Variants in CLNK observed in about 807,000 individuals in gnomAD.
The protein encoded by CLNK is cytokine dependent hematopoietic cell linker.
Under a neutral mutation model 68.6 loss-of-function variants are expected in CLNK, and 74 were observed. That is an observed-to-expected ratio of 1.08 (90% CI 0.89 to 1.31). CLNK has a LOEUF of 1.31. CLNK is among the 50% of genes most tolerant of loss of function. The probability of loss-of-function intolerance (pLI) is 0.00; values close to 1 mark genes in which losing one functional copy is unlikely to be tolerated. For synonymous variants in CLNK, 198 were observed against 172.2 expected, an observed-to-expected ratio of 1.15 and a Z score of -1.17; for missense variants, 553 against 515.3, an observed-to-expected ratio of 1.07 and a Z score of -0.71.
chr4:10,605,607 A>T (rs886609823), intron 2 of CLNK, among the ~76,000 whole-genome samples: 1 of 152,100 alleles, frequency 6.6e-6, no homozygotes, highest in Non-Finnish European at 1.5e-5. Context: ...AGGTGGGTAG[A>T]TCATAAGGTC....
chr4:10,505,398 G>T (rs1717249807), intron 17 of CLNK, among the ~76,000 whole-genome samples: 1 of 152,186 alleles, frequency 6.6e-6, no homozygotes, highest in Non-Finnish European at 1.5e-5. Flanking sequence ...TTCCTCATCT[G>T]GGAAATGGGA....
intron 2 of CLNK, among the ~76,000 whole-genome samples, chr4:10,648,581 A>G (rs1379539303): frequency 6.6e-6 from 1 of 152,208 alleles, no homozygotes; most frequent in Admixed American, 6.5e-5. Context: ...CATATGAAAG[A>G]TGGTGGAGAA....
intron 1 of CLNK, among the ~76,000 whole-genome samples, chr4:10,680,715 G>C (rs1725065476): frequency 6.6e-6 from 1 of 152,090 alleles, no homozygotes. Context: ...ACAAATTCGA[G>C]CAGTAGATAT....
chr4:10,522,140 C>T (rs981512318), intron 14 of CLNK, among the ~76,000 whole-genome samples: 2 of 151,678 alleles, frequency 1.3e-5, no homozygotes, highest in Admixed American at 6.6e-5. Flanking sequence ...CACCTGTAGT[C>T]CCAGCCACTA....
chr4:10,642,419 AT>A (rs1560258200), intron 2 of CLNK, among the ~76,000 whole-genome samples: 1 of 152,080 alleles, frequency 6.6e-6, no homozygotes, highest in Admixed American at 6.6e-5. Context: ...AATAAGGAAC[AT>A]TTTTTTTCTG....
chr4:10,520,759 T>A, intron 15 of CLNK, 32 bp downstream of exon 15: 1 of 1,558,200 alleles, frequency 6.4e-7, no homozygotes, highest in Non-Finnish European at 8.8e-7. Context: ...GTGACTTACC[T>A]GTTTATTTTA....
At chr4:10,690,248 C>A in the CLNK span, among the ~76,000 whole-genome samples, 1 of 152,140 alleles carries the variant, frequency 6.6e-6, no homozygotes, top group Admixed American at 6.5e-5. Flanking sequence ...CCTGGCCCAA[C>A]CACCCTGACT....
chr4:10,535,877 G>T (rs571001190), intron 11 of CLNK, among the ~76,000 whole-genome samples: 117 of 152,134 alleles, frequency 7.7e-4, no homozygotes, highest in African/African-American at 2.7e-3. Context: ...TAAGTACATG[G>T]ATATTGTAAA....
At chr4:10,723,906 G>GAGAGAGAC in the CLNK span, among the ~76,000 whole-genome samples, 2 of 151,796 alleles carry the variant, frequency 1.3e-5, no homozygotes, top group African/African-American at 2.4e-5. Context: ...GAGAGAGAGA[G>GAGAGAGAC]AGAGAGAGAG....
chr4:10,716,862 T>G, the CLNK span, among the ~76,000 whole-genome samples: 2 of 151,808 alleles, frequency 1.3e-5, no homozygotes, highest in Non-Finnish European at 2.9e-5. Flanking sequence ...CTCAGCTAAT[T>G]TTTGTATTTT....
intron 16 of CLNK, among the ~76,000 whole-genome samples, chr4:10,510,740 C>T (rs532804514): frequency 1.1e-4 from 17 of 152,196 alleles, no homozygotes; most frequent in African/African-American, 1.7e-4. Flanking sequence ...TTATCTTCAC[C>T]GATAATAAGC....
chr4:10,629,620 T>C (rs1356338946), intron 2 of CLNK, among the ~76,000 whole-genome samples: 2 of 152,046 alleles, frequency 1.3e-5, no homozygotes, highest in Non-Finnish European at 2.9e-5. Context: ...CTCGGGGAGA[T>C]TGCACATTTA....
chr4:10,611,986 T>C (rs1722049499), intron 2 of CLNK, among the ~76,000 whole-genome samples: 1 of 152,154 alleles, frequency 6.6e-6, no homozygotes, highest in Non-Finnish European at 1.5e-5. Flanking sequence ...TCATGAACAA[T>C]TGGCCAAATC....
the CLNK span, among the ~76,000 whole-genome samples, chr4:10,698,001 TGACC>T: frequency 6.6e-6 from 1 of 152,226 alleles, no homozygotes; most frequent in African/African-American, 2.4e-5. Context: ...ATGGAAGTGC[TGACC>T]GTTTTGTGTT....
chr4:10,615,664 T>C (rs1002727887), intron 2 of CLNK, among the ~76,000 whole-genome samples: 4 of 152,198 alleles, frequency 2.6e-5, no homozygotes, highest in African/African-American at 9.7e-5. Context: ...GAGCTCATAG[T>C]TTCTGAGTAA....
chr4:10,542,165 C>T (rs1186700677), intron 9 of CLNK, 90 bp downstream of exon 9: 6 of 1,190,226 alleles, frequency 5.0e-6, no homozygotes, highest in Non-Finnish European at 7.2e-6. Context: ...ACATATTTTT[C>T]TAGAGATATC....
chr4:10,541,920 A>G (rs931357556), intron 10 of CLNK, 102 bp downstream of exon 10: 2 of 882,634 alleles, frequency 2.3e-6, no homozygotes, highest in African/African-American at 1.7e-5. Flanking sequence ...CTGAAATCAT[A>G]TTAGATTTTC....
intron 2 of CLNK, among the ~76,000 whole-genome samples, chr4:10,643,399 G>A (rs1180959363): frequency 1.3e-5 from 2 of 152,234 alleles, no homozygotes; most frequent in African/African-American, 4.8e-5. Context: ...GAGAGACACA[G>A]TCCTTGTCCT....
intron 16 of CLNK, among the ~76,000 whole-genome samples, chr4:10,509,105 C>CAAA (rs35503820): frequency 0.032 from 3,334 of 104,630 alleles, 251 homozygotes; most frequent in African/African-American, 0.099. Flanking sequence ...GACTCGGTCT[C>CAAA]AAAAAAAAAA....
Sources: gnomAD v4.1 joint callset for allele counts (sites outside exome capture counted in the v4.1 genomes callset) on GRCh38, gnomAD v4.1.1 for gene constraint, MANE v1.5 for transcripts, NCBI Gene and HGNC (gene_info 2026-07-23, HGNC 2026-07-21) for gene names.